Variants in IGF2 observed in about 807,000 individuals in gnomAD.
IGF2 encodes insulin-like growth factor 2.
IGF2 carries 2 observed loss-of-function variants against 12.0 expected under a neutral mutation model. The observed-to-expected ratio is 0.17, with a 90% CI of 0.07 to 0.52. The LOEUF is 0.52. IGF2 is among the 20% of genes least tolerant of loss of function. The pLI is 0.95. For missense variants in IGF2, 211 were observed against 268.0 expected, an observed-to-expected ratio of 0.79 and a Z score of 1.48; for synonymous variants, 105 against 110.1, an observed-to-expected ratio of 0.95 and a Z score of 0.29.
chr11:2,144,250 C>G (rs1411880681), upstream of IGF2, among the ~76,000 whole-genome samples: 1 of 152,172 alleles, frequency 6.6e-6, no homozygotes, highest in South Asian at 2.1e-4. Flanking sequence ...CTGCTCGGTC[C>G]CCGCGTGGGA....
intron 2 of IGF2, among the ~76,000 whole-genome samples, chr11:2,134,908 C>T (rs1378516058): frequency 6.6e-6 from 1 of 152,246 alleles, no homozygotes; most frequent in African/African-American, 2.4e-5. Context: ...CTGCACTTGT[C>T]TTATTGATTT....
rs1858366080 is a variant in IGF2, at chr11:2,129,172, CCCAAG to C, written c.*3810_*3814del. 1.6e-5 allele frequency: 3 copies of C among 189,610 alleles called. No individual in the cohort carries two copies. The highest frequency in any genetic ancestry group is 3.3e-5 in the Non-Finnish European group (3 of 90,208). 11.7% of individuals were successfully genotyped at this position (189,610 alleles called of 1,614,324 possible). A position where few individuals can be genotyped will look rare whatever the true frequency, so the allele number is the denominator to read the frequency against. On this transcript the variant is annotated 3_prime_UTR_variant, in exon 4 of 4. Coordinates refer to ENST00000416167, the MANE Select transcript of IGF2 (RefSeq NM_000612.6). The surrounding 1 kb of genome is among the most constrained non-coding windows in gnomAD (Gnocchi z 8.1). ...AAGCGTTACAAGGTTAAAGACAAAA[CCCAAG>C]CATGGGATTTTGCCGGAAATATTAG...
upstream of IGF2, chr11:2,140,649 C>T: frequency 4.0e-6 from 2 of 494,766 alleles, no homozygotes; most frequent in South Asian, 3.0e-5. Context: ...TTGCAATGAG[C>T]AAACGAAAGT....
chr11:2,130,295 C>A lies in IGF2; in HGVS notation c.*2692G>T, dbSNP rs1234257049. 4.3e-6 allele frequency: 1 copy of A among 230,118 alleles called. No individual in the cohort carries two copies. The highest frequency in any genetic ancestry group is 6.1e-5 in the East Asian group (1 of 16,328). The allele number at this position is 230,118 out of a possible 1,614,324, so 14.3% of individuals were successfully genotyped here. A position where few individuals can be genotyped will look rare whatever the true frequency, so the allele number is the denominator to read the frequency against. Reference sequence around the variant, plus strand: ...CGCCCTCAGGACTTCTGGGGACCAGCCACTGTCCCCAGAAGCCAGGCCGGA... The same window carrying A: ...CGCCCTCAGGACTTCTGGGGACCAGACACTGTCCCCAGAAGCCAGGCCGGA... On this transcript the variant is annotated 3_prime_UTR_variant, in exon 4 of 4. Coordinates refer to ENST00000416167, the MANE Select transcript of IGF2 (RefSeq NM_000612.6).
chr11:2,149,431 C>T, the IGF2 span: 2 of 1,166,344 alleles, frequency 1.7e-6, no homozygotes, highest in Non-Finnish European at 2.5e-6. Flanking sequence ...GAGCATGGCA[C>T]CTGCTCAAAT....
chr11:2,140,678 C>A (rs1219716864), upstream of IGF2: 5 of 474,340 alleles, frequency 1.1e-5, no homozygotes, highest in Non-Finnish European at 2.0e-5. Flanking sequence ...TTTCGGGGCG[C>A]CCAGCAGGAG....
chr11:2,142,389 G>A (rs1421807669), upstream of IGF2, among the ~76,000 whole-genome samples: 1 of 152,136 alleles, frequency 6.6e-6, no homozygotes, highest in East Asian at 1.9e-4. The surrounding 1 kb of genome is among the most constrained non-coding windows in gnomAD (Gnocchi z 5.7). Flanking sequence ...TTAAAGAAAG[G>A]GGATTCAGAA....
upstream of IGF2, among the ~76,000 whole-genome samples, chr11:2,145,471 G>C (rs775825509): frequency 6.6e-6 from 1 of 152,374 alleles, no homozygotes; most frequent in South Asian, 2.1e-4. Flanking sequence ...GGCATCGGGG[G>C]TGAGCCCCAG....
chr11:2,148,525 G>C, the IGF2 span: 53,647 of 153,818 alleles, frequency 0.35, 9,565 homozygotes, highest in Non-Finnish European at 0.37. The surrounding 1 kb of genome is among the most constrained non-coding windows in gnomAD (Gnocchi z 4.3). Context: ...CATGGAGGGC[G>C]GTTGTTGCCT....
At chr11:2,139,456 C>T (rs1859383598), upstream of IGF2, 1 of 146,722 alleles carries the variant, frequency 6.8e-6, no homozygotes, top group South Asian at 2.1e-4. Context: ...CCGCGCGGGC[C>T]TCGCTGGCCT....
At chr11:2,135,991 A>T (rs1051708544) in intron 1 of IGF2, among the ~76,000 whole-genome samples, 2 of 152,106 alleles carry the variant, frequency 1.3e-5, no homozygotes, top group Admixed American at 1.3e-4. Flanking sequence ...CCTACAGAGC[A>T]TGTGCATCCA....
chr11:2,132,675 GTTAGT>G lies in IGF2; in HGVS notation c.*307_*311del. 5.3e-6 allele frequency: 1 copy of G among 190,432 alleles called. No homozygotes were observed. Among genetic ancestry groups the G allele is most frequent in the Non-Finnish European group, 9.3e-6 (1 of 107,454 alleles). 11.8% of individuals were successfully genotyped at this position (190,432 alleles called of 1,614,324 possible). On this transcript the variant is annotated 3_prime_UTR_variant, in exon 4 of 4. Coordinates refer to ENST00000416167, the MANE Select transcript of IGF2 (RefSeq NM_000612.6). ...GTTGTTGTGGGGGGGGGGGAAGGGGGTTAGTTTAATGTTTTGATTTTTTATGTGTG... is the reference window on the plus strand; with the variant it reads ...GTTGTTGTGGGGGGGGGGGAAGGGGGTTAATGTTTTGATTTTTTATGTGTG...
At position 2,130,259 on chromosome 11, in the gene IGF2, A is replaced by ACC; in HGVS notation, c.*2726_*2727dup. On this transcript the variant is annotated 3_prime_UTR_variant, in exon 4 of 4. Transcript: ENST00000416167. ...CTGACACCTGAGGAGACCCTGCCCA[A>ACC]CCCCCCCCTCCGCCCTCAGGACTTC... is the stretch of plus-strand genomic sequence containing the variant. 4.5e-6 allele frequency: 1 copy of ACC among 223,666 alleles called. No individual in the cohort carries two copies. Among genetic ancestry groups the ACC allele is most frequent in the East Asian group, 6.3e-5 (1 of 15,952 alleles). The allele number at this position is 223,666 out of a possible 1,614,324, so 13.9% of individuals were successfully genotyped here. A position where few individuals can be genotyped will look rare whatever the true frequency, so the allele number is the denominator to read the frequency against.
chr11:2,140,088 C>G (rs556014572), upstream of IGF2: 1 of 1,588,598 alleles, frequency 6.3e-7, no homozygotes, highest in South Asian at 1.1e-5. Context: ...AGGCTCCGGC[C>G]GCCAGAGGAG....
rs1053276420 is a variant in IGF2, at chr11:2,130,265, C to A, written c.*2722G>T. On this transcript the variant is annotated 3_prime_UTR_variant, in exon 4 of 4. Transcript: ENST00000416167. The stretch of plus-strand genomic sequence containing the variant: ...CCTGAGGAGACCCTGCCCAACCCCC[C>A]CCTCCGCCCTCAGGACTTCTGGGGA... The A allele has an allele frequency of 1.3e-5, 3 of 230,462 alleles. No homozygotes were observed. Among genetic ancestry groups the A allele is most frequent in the African/African-American group, 2.2e-5 (1 of 45,074 alleles). The allele number at this position is 230,462 out of a possible 1,614,324, so 14.3% of individuals were successfully genotyped here.
chr11:2,138,438 T>C lies in IGF2; in HGVS notation c.-216A>G, dbSNP rs1859264026. On this transcript the variant is annotated 5_prime_UTR_variant, in exon 1 of 4. Coordinates refer to ENST00000416167, the MANE Select transcript of IGF2 (RefSeq NM_000612.6). ...ATTGTCCAGGGAGGACGGGCTGTCTTCGGGCTGGGGCGGGCCAGATGTTGT... is the reference window on the plus strand; with the variant it reads ...ATTGTCCAGGGAGGACGGGCTGTCTCCGGGCTGGGGCGGGCCAGATGTTGT... 2.1e-5 allele frequency: 15 copies of C among 724,768 alleles called. No individual in the cohort carries two copies. The highest frequency in any genetic ancestry group is 2.5e-5 in the Non-Finnish European group (15 of 606,292). 44.9% of individuals were successfully genotyped at this position (724,768 alleles called of 1,614,324 possible).
intron 1 of IGF2, among the ~76,000 whole-genome samples, chr11:2,136,152 C>A (rs755100872): frequency 5.9e-5 from 9 of 152,220 alleles, no homozygotes; most frequent in Non-Finnish European, 1.0e-4. Flanking sequence ...CTGAGCCAGG[C>A]CTGGGTCAAG....
chr11:2,140,324 A>G, upstream of IGF2: 1 of 1,599,032 alleles, frequency 6.3e-7, no homozygotes, highest in South Asian at 1.1e-5. Flanking sequence ...CGATGTAAGA[A>G]AGCACTGTGA....
At chr11:2,137,242 G>A in intron 1 of IGF2, 1 of 996,714 alleles carries the variant, frequency 1.0e-6, no homozygotes. Flanking sequence ...AAGAGGAGGA[G>A]GAGGAAGCTG....
Sources: gnomAD v4.1 joint callset for allele counts (sites outside exome capture counted in the v4.1 genomes callset) on GRCh38, gnomAD v4.1.1 for gene constraint, Gnocchi (gnomAD v3.1) non-coding constraint, MANE v1.5 for transcripts, NCBI Gene and HGNC (gene_info 2026-07-23, HGNC 2026-07-21) for gene names.